Variants in PRDM2 observed in about 807,000 individuals in gnomAD.
PRDM2 encodes PR/SET domain 2.
Under a neutral mutation model 130.0 loss-of-function variants are expected in PRDM2, and 30 were observed. That is an observed-to-expected ratio of 0.23 (90% CI 0.17 to 0.31). PRDM2 has a LOEUF of 0.31. PRDM2 is among the 10% of genes least tolerant of loss of function. PRDM2 has a pLI of 1.00. For synonymous variants in PRDM2, 871 were observed against 782.4 expected (o/e 1.11, Z -1.89); for missense variants, 2,011 against 2,108.4 (o/e 0.95, Z 0.90).
chr1:13,705,078 C>T (rs932070430), intron 1 of PRDM2: 5 of 152,108 alleles, frequency 3.3e-5, no homozygotes, highest in Admixed American at 6.5e-5. Context: ...AATGCACTCT[C>T]GAGTAATTTA....
intron 9 of PRDM2, among the ~76,000 whole-genome samples, chr1:13,821,479 T>TA (rs58974031): frequency 2.1e-5 from 3 of 145,978 alleles, no homozygotes; most frequent in South Asian, 2.1e-4. Flanking sequence ...TTTATTTATT[T>TA]TGAGACAGGG....
intron 8 of PRDM2, among the ~76,000 whole-genome samples, chr1:13,792,741 C>T (rs1255097674): frequency 6.6e-6 from 1 of 152,228 alleles, no homozygotes; most frequent in African/African-American, 2.4e-5. Context: ...TGTAGCTAAC[C>T]ACCATGGAGG....
chr1:13,790,590 T>C (rs1318198106), intron 8 of PRDM2, among the ~76,000 whole-genome samples: 51 of 152,156 alleles, frequency 3.4e-4, no homozygotes, highest in Admixed American at 3.3e-3. Flanking sequence ...GAATACACAG[T>C]ATTATGGGAT....
chr1:13,775,082 T>C (rs2100644140), intron 7 of PRDM2, among the ~76,000 whole-genome samples: 1 of 152,276 alleles, frequency 6.6e-6, no homozygotes, highest in Non-Finnish European at 1.5e-5. Flanking sequence ...CCTCAGCAAA[T>C]GGTCTATACC....
chr1:13,811,142 C>A (rs961707488), intron 8 of PRDM2, among the ~76,000 whole-genome samples: 1 of 151,886 alleles, frequency 6.6e-6, no homozygotes, highest in Non-Finnish European at 1.5e-5. Flanking sequence ...CAAGAAAGCA[C>A]GACTGCACTC....
intron 2 of PRDM2, among the ~76,000 whole-genome samples, chr1:13,716,753 C>T (rs1046236447): frequency 1.3e-5 from 2 of 152,118 alleles, no homozygotes; most frequent in African/African-American, 4.8e-5. Context: ...TATCATCTCT[C>T]TTGTAGTTAC....
At chr1:13,764,142 A>G (rs768836854) in intron 6 of PRDM2, among the ~76,000 whole-genome samples, 17 of 152,276 alleles carry the variant, frequency 1.1e-4, no homozygotes, top group African/African-American at 1.7e-4. Context: ...AGAGTAAGCA[A>G]TTCTCGAGGG....
chr1:13,727,276 T>G (rs1403256045), intron 2 of PRDM2, among the ~76,000 whole-genome samples: 1 of 152,184 alleles, frequency 6.6e-6, no homozygotes. Flanking sequence ...GTTCCTTTTT[T>G]TTTTGAGACG....
intron 1 of PRDM2, among the ~76,000 whole-genome samples, chr1:13,703,973 C>A (rs1642137097): frequency 6.6e-6 from 1 of 152,182 alleles, no homozygotes; most frequent in Non-Finnish European, 1.5e-5. Flanking sequence ...AAAGATAGTT[C>A]ATTGATCTTT....
At chr1:13,752,931 C>G (rs1037181326) in intron 6 of PRDM2, among the ~76,000 whole-genome samples, 1 of 152,188 alleles carries the variant, frequency 6.6e-6, no homozygotes, top group Admixed American at 6.5e-5. Context: ...TAGAAACATG[C>G]TCTGTGAAGC....
At chr1:13,709,416 A>T (rs1439263372) in intron 1 of PRDM2, among the ~76,000 whole-genome samples, 1 of 152,212 alleles carries the variant, frequency 6.6e-6, no homozygotes. Flanking sequence ...ATAGCATTTT[A>T]AAATCAATAA....
intron 8 of PRDM2, among the ~76,000 whole-genome samples, chr1:13,786,040 G>C (rs550452263): frequency 1.3e-5 from 2 of 151,716 alleles, no homozygotes; most frequent in South Asian, 4.2e-4. Context: ...GGGTTTCACC[G>C]TGTTAGCCAG....
At chr1:13,735,642 A>G (rs569365759) in intron 4 of PRDM2, among the ~76,000 whole-genome samples, 4 of 152,284 alleles carry the variant, frequency 2.6e-5, no homozygotes, top group African/African-American at 7.2e-5. Context: ...CTGTCCCCAC[A>G]CATGCACTGC....
chr1:13,747,536 GA>G (rs1210409531), intron 5 of PRDM2, among the ~76,000 whole-genome samples: 1 of 151,944 alleles, frequency 6.6e-6, no homozygotes, highest in Non-Finnish European at 1.5e-5. Flanking sequence ...TCAAAAATAA[GA>G]AAAAGGCAGA....
Position 13,781,447 on chromosome 1 carries a change from G to A in PRDM2, c.3652G>A (p.Val1218Met). The A allele has an allele frequency of 6.2e-7, 1 of 1,613,994 alleles. No individual in the cohort carries two copies. Among genetic ancestry groups the A allele is most frequent in the Non-Finnish European group, 8.5e-7 (1 of 1,180,014 alleles). ...CCAGCGAGATCTCCACCCAGATAAG[G>A]TGTGCACACATCACGAGTTTGAAAG... ...QHQRDLHPDKVCTHHEFESGT... is the reference protein window; with the variant it reads ...QHQRDLHPDKMCTHHEFESGT... The change falls in exon 8 of 10, where the codon GTG (valine) becomes ATG (methionine). Residue 1218 changes from valine (V) to methionine (M), a missense_variant. Physicochemically the swap from Val to Met is conservative, Grantham distance 21. Transcript: ENST00000311066. This position sits in a 1 kb window ranked among gnomAD's most constrained non-coding sequence, Gnocchi z 6.1.
At chr1:13,768,372 C>T (rs532817864) in intron 6 of PRDM2, among the ~76,000 whole-genome samples, 19 of 148,260 alleles carry the variant, frequency 1.3e-4, no homozygotes, top group Admixed American at 3.4e-4. Context: ...CGTGAGCCAC[C>T]GCGCCCGGCC....
intron 2 of PRDM2, among the ~76,000 whole-genome samples, chr1:13,728,423 C>T (rs1024109434): frequency 3.9e-5 from 6 of 152,186 alleles, no homozygotes; most frequent in African/African-American, 1.4e-4. Context: ...CCTTCTACTT[C>T]TCAAATCATT....
chr1:13,792,186 C>G (rs1644851057), intron 8 of PRDM2, among the ~76,000 whole-genome samples: 1 of 152,126 alleles, frequency 6.6e-6, no homozygotes, highest in African/African-American at 2.4e-5. Context: ...TAAACAGGAG[C>G]CTATGATACA....
At position 13,731,061 on chromosome 1, in the gene PRDM2, G is replaced by A. The variant is rs370173337; in HGVS notation, c.71G>A (p.Arg24Gln). ...GCTGAGGTACCCGAACATGTGCTGC[G>A]AGGACTTCCGGAGGAAGTGAGGCTT... ...TLAEVPEHVL[R>Q]GLPEEVRLFP... Residue 24 changes from arginine to glutamine, a missense_variant, in exon 3 of 10, where the codon CGA (arginine) becomes CAA (glutamine). Around this residue, in one of 5 missense-constraint regions of PRDM2, gnomAD observed 79 missense variants for 93.6 expected, o/e 0.84. Coordinates refer to ENST00000311066, the MANE Select transcript of PRDM2 (RefSeq NM_001393986.1). The A allele has an allele frequency of 4.3e-6, 7 of 1,612,712 alleles. No individual in the cohort carries two copies. The African/African-American group carries it at 5.4e-5, about 12-fold the overall frequency.
Sources: gnomAD v4.1 joint callset for allele counts (sites outside exome capture counted in the v4.1 genomes callset) on GRCh38, gnomAD v4.1.1 for gene constraint, gnomAD v4.1.1 regional missense constraint, Gnocchi (gnomAD v3.1) non-coding constraint, MANE v1.5 for transcripts, NCBI Gene and HGNC (gene_info 2026-07-23, HGNC 2026-07-21) for gene names.